STIM1: variants seen among roughly 807,000 people sequenced by gnomAD.
STIM1 encodes stromal interaction molecule 1.
STIM1 carries 25 observed loss-of-function variants against 74.7 expected under a neutral mutation model. That is an observed-to-expected ratio of 0.33 (90% CI 0.24 to 0.47). The LOEUF (loss-of-function observed/expected upper bound fraction) is 0.47. Among genes scored for constraint, STIM1 ranks in the 20% least tolerant of loss-of-function variants. The probability of loss-of-function intolerance (pLI) is 1.00; values close to 1 mark genes in which losing one functional copy is unlikely to be tolerated. For missense variants in STIM1, 728 were observed against 920.8 expected (o/e 0.79, Z 2.71); for synonymous variants, 328 against 348.8 (o/e 0.94, Z 0.66).
chr11:3,865,148 T>G (rs2090805898), intron 1 of STIM1, among the ~76,000 whole-genome samples: 1 of 152,200 alleles, frequency 6.6e-6, no homozygotes, highest in Admixed American at 6.5e-5. Flanking sequence ...GATGAAAAAC[T>G]TCATTCTGAC....
At chr11:3,944,456 T>A (rs1032216436) in intron 1 of STIM1, among the ~76,000 whole-genome samples, 1 of 152,134 alleles carries the variant, frequency 6.6e-6, no homozygotes, top group Admixed American at 6.5e-5. Context: ...TCTGTGCCTG[T>A]GTAGTGGGAG....
In STIM1 at chr11:4,089,603, C is replaced by T. The variant is rs140147596; in HGVS notation, c.1635-1679C>T. ...TAAAACAGTATTTGTAGAATGGAAGCTGAGTTGGAATTGTTCTCTGCTGCC... is the reference window on the plus strand; with the variant it reads ...TAAAACAGTATTTGTAGAATGGAAGTTGAGTTGGAATTGTTCTCTGCTGCC... On this transcript the variant is annotated intron_variant, in intron 12 of 12. Coordinates refer to ENST00000526596, the MANE Select transcript of STIM1 (RefSeq NM_001382567.1). 2.6e-5 allele frequency among the ~76,000 whole-genome samples: 4 copies of T among 152,310 alleles called. No individual in the cohort carries two copies. In the East Asian group the frequency reaches 7.7e-4, roughly 29 times the overall value.
chr11:3,944,960 C>T (rs1018098591), intron 1 of STIM1, among the ~76,000 whole-genome samples: 4 of 152,142 alleles, frequency 2.6e-5, no homozygotes, highest in Non-Finnish European at 5.9e-5. Context: ...ACGGGTGACC[C>T]AGTTGTCCCA....
At chr11:3,916,347 C>T (rs1450507695) in intron 1 of STIM1, among the ~76,000 whole-genome samples, 1 of 151,556 alleles carries the variant, frequency 6.6e-6, no homozygotes, top group Non-Finnish European at 1.5e-5. Flanking sequence ...AGTGCAGTGG[C>T]GTGATCTTGG....
chr11:3,905,362 T>G (rs1590550809), intron 1 of STIM1, among the ~76,000 whole-genome samples: 1 of 151,688 alleles, frequency 6.6e-6, no homozygotes, highest in African/African-American at 2.4e-5. Flanking sequence ...AGGAGGCAGG[T>G]TCAAAGATTT....
intron 1 of STIM1, among the ~76,000 whole-genome samples, chr11:3,912,613 G>T (rs561273397): frequency 6.6e-6 from 1 of 152,142 alleles, no homozygotes; most frequent in South Asian, 2.1e-4. Flanking sequence ...TGATCCACCC[G>T]CCTTGGCCTC....
chr11:4,087,236 TAA>T (rs1262335062), intron 12 of STIM1, among the ~76,000 whole-genome samples: 2 of 152,160 alleles, frequency 1.3e-5, no homozygotes, highest in Admixed American at 6.5e-5. Flanking sequence ...TCACTGGTGA[TAA>T]GATACAATCC....
chr11:3,937,214 C>G (rs1429372867), intron 1 of STIM1, among the ~76,000 whole-genome samples: 1 of 151,512 alleles, frequency 6.6e-6, no homozygotes, highest in African/African-American at 2.4e-5. Flanking sequence ...CCACCTGAGC[C>G]TAGGAGGCAG....
chr11:4,088,085 A>T (rs2094503680), intron 12 of STIM1, among the ~76,000 whole-genome samples: 1 of 152,046 alleles, frequency 6.6e-6, no homozygotes, highest in Non-Finnish European at 1.5e-5. Context: ...GTCTTTTCAC[A>T]AGGTCTCAAA....
intron 1 of STIM1, among the ~76,000 whole-genome samples, chr11:3,943,277 G>T (rs2093032554): frequency 6.6e-6 from 1 of 152,184 alleles, no homozygotes; most frequent in African/African-American, 2.4e-5. Context: ...TTTCCTAGTA[G>T]AAAATGGGGA....
chr11:3,906,507 G>T (rs573858599), intron 1 of STIM1, among the ~76,000 whole-genome samples: 1 of 152,156 alleles, frequency 6.6e-6, no homozygotes, highest in African/African-American at 2.4e-5. Flanking sequence ...GATTTCCAAA[G>T]ATTTGCCAAT....
At chr11:3,910,355 C>T (rs1474361872) in intron 1 of STIM1, among the ~76,000 whole-genome samples, 6 of 152,152 alleles carry the variant, frequency 3.9e-5, no homozygotes. Flanking sequence ...TCTGGCGTAT[C>T]CATCTGAGCA....
At chr11:3,883,632 C>A (rs1271794990) in intron 1 of STIM1, among the ~76,000 whole-genome samples, 2 of 152,232 alleles carry the variant, frequency 1.3e-5, no homozygotes, top group East Asian at 1.9e-4. Context: ...GGATTACAGG[C>A]ATGAGGCACC....
At chr11:3,889,045 A>C (rs756706051) in intron 1 of STIM1, among the ~76,000 whole-genome samples, 2 of 150,954 alleles carry the variant, frequency 1.3e-5, no homozygotes, top group Non-Finnish European at 2.9e-5. Flanking sequence ...TGGCCTGTAC[A>C]AAGAGGTGAT....
At chr11:4,049,257 T>C (rs770874593) in intron 3 of STIM1, among the ~76,000 whole-genome samples, 9 of 151,910 alleles carry the variant, frequency 5.9e-5, no homozygotes, top group Non-Finnish European at 1.2e-4. Flanking sequence ...TGCACAAAAC[T>C]GAAATATCTA....
chr11:4,005,025 A>G (rs1388940175), intron 2 of STIM1, among the ~76,000 whole-genome samples: 1 of 152,256 alleles, frequency 6.6e-6, no homozygotes, highest in East Asian at 1.9e-4. Context: ...AATCAAAGCC[A>G]CAATGAGATA....
At chr11:4,027,259 G>A (rs533414417) in intron 3 of STIM1, among the ~76,000 whole-genome samples, 22 of 152,130 alleles carry the variant, frequency 1.4e-4, no homozygotes, top group Admixed American at 5.2e-4. Context: ...AAGAATGAGG[G>A]CCACTCCAGG....
At chr11:3,927,541 C>T (rs2092803949) in intron 1 of STIM1, among the ~76,000 whole-genome samples, 1 of 152,122 alleles carries the variant, frequency 6.6e-6, no homozygotes, top group South Asian at 2.1e-4. Context: ...CGCAGTTTGC[C>T]CTAGGCTCTT....
At chr11:4,031,398 T>G (rs562381168) in intron 3 of STIM1, among the ~76,000 whole-genome samples, 1 of 152,322 alleles carries the variant, frequency 6.6e-6, no homozygotes, top group South Asian at 2.1e-4. Flanking sequence ...TCTTTTCTCT[T>G]AGGTAAATAC....
Sources: gnomAD v4.1 joint callset for allele counts (sites outside exome capture counted in the v4.1 genomes callset) on GRCh38, gnomAD v4.1.1 for gene constraint, MANE v1.5 for transcripts, NCBI Gene and HGNC (gene_info 2026-07-23, HGNC 2026-07-21) for gene names.